NTRK2: variants seen among roughly 807,000 people sequenced by gnomAD.
NTRK2 encodes the protein neurotrophic receptor tyrosine kinase 2.
NTRK2 carries 13 observed loss-of-function variants against 94.5 expected under a neutral mutation model. That is an observed-to-expected ratio of 0.14 (90% CI 0.09 to 0.22). NTRK2 has a LOEUF of 0.22. NTRK2 is among the 10% of genes least tolerant of loss of function. The probability of loss-of-function intolerance (pLI) is 1.00; values close to 1 mark genes in which losing one functional copy is unlikely to be tolerated. For synonymous variants in NTRK2, 372 were observed against 407.4 expected, an observed-to-expected ratio of 0.91 and a Z score of 1.05; for missense variants, 639 against 1,071.2, an observed-to-expected ratio of 0.60 and a Z score of 5.63.
At chr9:84,778,127 G>GT (rs2132975693) in intron 12 of NTRK2, among the ~76,000 whole-genome samples, 1 of 152,248 alleles carries the variant, frequency 6.6e-6, no homozygotes, top group African/African-American at 2.4e-5. Flanking sequence ...GCCCAGAGTG[G>GT]TGGCGGGCAC....
At chr9:84,928,618 C>T (rs1039481767) in intron 14 of NTRK2, among the ~76,000 whole-genome samples, 1 of 152,160 alleles carries the variant, frequency 6.6e-6, no homozygotes, top group African/African-American at 2.4e-5. Context: ...AGCTGGGTCA[C>T]CTTCTAGCTG....
intron 12 of NTRK2, among the ~76,000 whole-genome samples, chr9:84,781,915 C>T (rs1178684598): frequency 6.6e-6 from 1 of 152,052 alleles, no homozygotes; most frequent in Non-Finnish European, 1.5e-5. Context: ...TCATTTATAT[C>T]AAGGCTCTTC....
intron 12 of NTRK2, among the ~76,000 whole-genome samples, chr9:84,832,454 G>A (rs1006252757): frequency 4.7e-4 from 72 of 152,324 alleles, no homozygotes; most frequent in African/African-American, 1.5e-3. Flanking sequence ...GGATTCCTGG[G>A]AAGCTGACAT....
At chr9:84,839,321 C>T (rs2074044735) in intron 12 of NTRK2, among the ~76,000 whole-genome samples, 1 of 152,208 alleles carries the variant, frequency 6.6e-6, no homozygotes, top group Non-Finnish European at 1.5e-5. Flanking sequence ...ATCCTGTTCA[C>T]TCTGGTAAAA....
chr9:84,714,141 C>A (rs1275009782), intron 6 of NTRK2, among the ~76,000 whole-genome samples: 1 of 152,118 alleles, frequency 6.6e-6, no homozygotes, highest in Non-Finnish European at 1.5e-5. Flanking sequence ...CATTACTTAG[C>A]TTTTCAGCTG....
At chr9:84,672,184 C>T (rs868708999) in intron 2 of NTRK2, among the ~76,000 whole-genome samples, 2 of 152,200 alleles carry the variant, frequency 1.3e-5, no homozygotes, top group Non-Finnish European at 2.9e-5. Context: ...AAGTAAGAGA[C>T]CTTCCTAGTC....
chr9:84,793,313 A>T (rs1270784980), intron 12 of NTRK2, among the ~76,000 whole-genome samples: 1 of 151,886 alleles, frequency 6.6e-6, no homozygotes, highest in East Asian at 1.9e-4. Flanking sequence ...AAATTGCCCC[A>T]GTTAGTAGGA....
intron 17 of NTRK2, among the ~76,000 whole-genome samples, chr9:84,965,362 A>T (rs1355100978): frequency 6.6e-6 from 1 of 152,226 alleles, no homozygotes; most frequent in East Asian, 1.9e-4. Context: ...AAGGAAAACC[A>T]CACGTGTCCT....
rs1833063954 is a variant in NTRK2 at position 85,026,973 on chromosome 9, T to C, written c.*5536T>C. On this transcript the variant is annotated 3_prime_UTR_variant, in exon 19 of 19. Transcript: ENST00000277120. Reference sequence around the variant, plus strand: ...GTTTGTAAATCATGTGACCAGCTTCTCTCAACCTGACATGGAAAGTCTCTT... The same window carrying C: ...GTTTGTAAATCATGTGACCAGCTTCCCTCAACCTGACATGGAAAGTCTCTT... 4.3e-6 allele frequency: 1 copy of C among 232,426 alleles called. No homozygotes were observed. Among genetic ancestry groups the C allele is most frequent in the African/African-American group, 2.2e-5 (1 of 45,312 alleles). 14.4% of individuals were successfully genotyped at this position (232,426 alleles called of 1,614,324 possible).
intron 14 of NTRK2, among the ~76,000 whole-genome samples, chr9:84,898,845 G>C (rs1449842565): frequency 6.6e-6 from 1 of 152,110 alleles, no homozygotes; most frequent in Non-Finnish European, 1.5e-5. Context: ...TGGAATTACA[G>C]GCATGCACCA....
intron 14 of NTRK2, among the ~76,000 whole-genome samples, chr9:84,898,479 GTTTCTTTC>G (rs56810834): frequency 6.6e-6 from 1 of 151,696 alleles, no homozygotes; most frequent in Non-Finnish European, 1.5e-5. Flanking sequence ...AGTGTTTTCA[GTTTCTTTC>G]TTTCTTTCTT....
rs370505207 is a variant in NTRK2, at chr9:84,955,448, G to A, written c.2103G>A (p.Gly701=). The change falls in exon 17 of 19, where the codon GGG becomes GGA. Residue 701 remains glycine (G), a synonymous_variant. Transcript: ENST00000277120. The part of the protein sequence containing the change: ...RDLATRNCLV[G]ENLLVKIGDF... ...TGGCCACCAGGAACTGCCTGGTCGG[G>A]GAGAACTTGCTGGTGAAAATCGGGG... is the stretch of plus-strand genomic sequence containing the variant. The A allele has an allele frequency of 8.1e-6, 13 of 1,614,264 alleles. No individual in the cohort carries two copies. The African/African-American group carries it at 1.7e-4, about 22-fold the overall frequency.
chr9:84,852,090 C>T (rs150012494), intron 12 of NTRK2, among the ~76,000 whole-genome samples: 72 of 152,278 alleles, frequency 4.7e-4, no homozygotes, highest in African/African-American at 1.6e-3. Context: ...TCAGCCAAGA[C>T]GTGAGTCATT....
intron 12 of NTRK2, among the ~76,000 whole-genome samples, chr9:84,835,902 C>A (rs937858803): frequency 6.6e-6 from 1 of 152,180 alleles, no homozygotes; most frequent in Non-Finnish European, 1.5e-5. Context: ...AAACTCAAAA[C>A]AATTGACAAG....
At chr9:84,867,466 G>A in intron 14 of NTRK2, 35 bp downstream of exon 14, 1 of 1,544,872 alleles carries the variant, frequency 6.5e-7, no homozygotes. Flanking sequence ...TGTCCCATTT[G>A]CTGCATAGCT....
intron 17 of NTRK2, among the ~76,000 whole-genome samples, chr9:84,971,950 A>G (rs904073587): frequency 2.6e-5 from 4 of 152,202 alleles, no homozygotes; most frequent in Non-Finnish European, 5.9e-5. Flanking sequence ...GTGTCATTCT[A>G]TGACCTTGTT....
intron 4 of NTRK2, among the ~76,000 whole-genome samples, chr9:84,703,545 G>T (rs1281693081): frequency 6.6e-6 from 1 of 151,278 alleles, no homozygotes; most frequent in Non-Finnish European, 1.5e-5. Flanking sequence ...CTTTTTTTTT[G>T]AGGAGAACAG....
intron 12 of NTRK2, among the ~76,000 whole-genome samples, chr9:84,790,751 G>A (rs1307055571): frequency 7.9e-5 from 12 of 152,252 alleles, no homozygotes; most frequent in Admixed American, 7.8e-4. Context: ...GAATCTGTAG[G>A]GAAATCTACC....
chr9:85,017,280 A>G (rs1355553401), intron 17 of NTRK2, among the ~76,000 whole-genome samples: 4 of 152,208 alleles, frequency 2.6e-5, no homozygotes, highest in African/African-American at 9.6e-5. Context: ...TGCCTGCTTG[A>G]GTAAATACCT....
Sources: gnomAD v4.1 joint callset for allele counts (sites outside exome capture counted in the v4.1 genomes callset) on GRCh38, gnomAD v4.1.1 for gene constraint, MANE v1.5 for transcripts, NCBI Gene and HGNC (gene_info 2026-07-23, HGNC 2026-07-21) for gene names.